The following NCMAP variants were observed in gnomAD, a reference collection of about 807,000 sequenced individuals.
The protein encoded by NCMAP is non-compact myelin associated protein, also known as noncompact myelin-associated protein.
In NCMAP, 8 loss-of-function variants were observed where a neutral mutation model predicts 7.8. That is an observed-to-expected ratio of 1.02 (90% CI 0.60 to 1.84). The LOEUF is 1.84. Ranked by LOEUF, NCMAP falls within the 40% of genes most tolerant of loss-of-function variation. The probability of loss-of-function intolerance (pLI) is 0.00; values close to 1 mark genes in which losing one functional copy is unlikely to be tolerated. For missense variants in NCMAP, 112 were observed against 131.4 expected (o/e 0.85, Z 0.72); for synonymous variants, 41 against 52.9 (o/e 0.78, Z 0.98).
At chr1:24,559,174 G>A (rs554055326) in intron 1 of NCMAP, among the ~76,000 whole-genome samples, 3 of 152,180 alleles carry the variant, frequency 2.0e-5, no homozygotes, top group East Asian at 1.9e-4. Context: ...AAGTCAGCCC[G>A]GAAGCAGCGG....
rs67052970 is a variant in NCMAP at position 24,560,160 on chromosome 1, C to CAAA, written c.-8+4014_-8+4016dup. Among the ~76,000 whole-genome samples, 32 of 89,542 alleles carry CAAA rather than the reference C, an allele frequency of 3.6e-4. 1 individual carries two copies. Among genetic ancestry groups the CAAA allele is most frequent in the African/African-American group, 1.0e-3 (24 of 23,798 alleles). 58.7% of individuals were successfully genotyped at this position (89,542 alleles called of 152,430 possible). A position where few individuals can be genotyped will look rare whatever the true frequency, so the allele number is the denominator to read the frequency against. ...TGGGCGACAGAGCCAGACTCCATCT[C>CAAA]AAAAAAAAAAAAAAAAAAAAAAAAA... On this transcript the variant is annotated intron_variant, in intron 1 of 3. Transcript: ENST00000374392.
chr1:24,601,960 G>A (rs561446180), intron 3 of NCMAP, among the ~76,000 whole-genome samples: 4 of 151,880 alleles, frequency 2.6e-5, no homozygotes, highest in South Asian at 4.2e-4. Flanking sequence ...AGAATGGCGT[G>A]AACCTGGGAG....
chr1:24,592,871 A>G (rs891428389), intron 1 of NCMAP, among the ~76,000 whole-genome samples: 1 of 152,114 alleles, frequency 6.6e-6, no homozygotes. Flanking sequence ...GTGAGCCGTG[A>G]TCATGCCACT....
At chr1:24,572,437 G>T (rs1651416871) in intron 1 of NCMAP, among the ~76,000 whole-genome samples, 1 of 150,640 alleles carries the variant, frequency 6.6e-6, no homozygotes, top group African/African-American at 2.5e-5. Flanking sequence ...GTGCAGGCTG[G>T]GGCTGAGCTC....
intron 3 of NCMAP, among the ~76,000 whole-genome samples, chr1:24,602,836 C>A (rs79066285): frequency 2.0e-5 from 3 of 151,656 alleles, no homozygotes; most frequent in Non-Finnish European, 2.9e-5. Flanking sequence ...GGGCAGATCA[C>A]GGGGTCAGGA....
At chr1:24,577,401 GTTTTT>G (rs71577720) in intron 1 of NCMAP, among the ~76,000 whole-genome samples, 40 of 39,958 alleles carry the variant, frequency 1.0e-3, no homozygotes, top group African/African-American at 3.7e-3. Flanking sequence ...CACTGGCCTT[GTTTTT>G]TTTTTTTTTT....
intron 1 of NCMAP, among the ~76,000 whole-genome samples, chr1:24,593,321 T>TA (rs11331271): frequency 4.5e-4 from 68 of 150,822 alleles, no homozygotes; most frequent in South Asian, 8.4e-4. Context: ...CTAGCCTCTA[T>TA]AAAAAAAAAA....
intron 2 of NCMAP, among the ~76,000 whole-genome samples, chr1:24,599,807 A>C (rs1324597170): frequency 5.2e-5 from 5 of 96,606 alleles, no homozygotes; most frequent in Admixed American, 1.6e-4. Context: ...CGAACTCCTG[A>C]CCTCGTGATC....
At chr1:24,560,708 C>T (rs1448738116) in intron 1 of NCMAP, among the ~76,000 whole-genome samples, 2 of 151,868 alleles carry the variant, frequency 1.3e-5, no homozygotes, top group Non-Finnish European at 1.5e-5. Flanking sequence ...GGCACCACTG[C>T]ACTCCAGCCT....
intron 1 of NCMAP, among the ~76,000 whole-genome samples, chr1:24,567,433 C>G (rs1651260436): frequency 6.6e-6 from 1 of 152,174 alleles, no homozygotes; most frequent in Non-Finnish European, 1.5e-5. Flanking sequence ...AAAAAGGAAA[C>G]TGACATTATC....
At chr1:24,600,495 T>C (rs1652444858) in intron 2 of NCMAP, among the ~76,000 whole-genome samples, 1 of 152,258 alleles carries the variant, frequency 6.6e-6, no homozygotes, top group South Asian at 2.1e-4. Context: ...CATTGGTGAA[T>C]GTAGATATGC....
chr1:24,562,528 C>T (rs930630142), intron 1 of NCMAP, among the ~76,000 whole-genome samples: 1 of 152,214 alleles, frequency 6.6e-6, no homozygotes, highest in Admixed American at 6.5e-5. Context: ...CCGCTACATA[C>T]CAGCTTTCCA....
rs1447318294 is a variant in NCMAP at position 24,597,638 on chromosome 1, A to AGAAAGAAAGAAG, written c.82+2137_82+2138insGGAAAGAAAGAA. On this transcript the variant is annotated intron_variant, in intron 2 of 3. Transcript: ENST00000374392. Reference sequence around the variant, plus strand: ...GAAAGAGAAAGAAAGAAAGAAAGAAAGAAAGAAAGAAAGAAAGAAAGAAAG... The same window carrying AGAAAGAAAGAAG: ...GAAAGAGAAAGAAAGAAAGAAAGAAAGAAAGAAAGAAGGAAAGAAAGAAAGAAAGAAAGAAAG... Among the ~76,000 whole-genome samples the AGAAAGAAAGAAG allele has an allele frequency of 1.8e-4, 23 of 125,254 alleles. 1 individual carries two copies. Among genetic ancestry groups the AGAAAGAAAGAAG allele is most frequent in the African/African-American group, 7.7e-4 (21 of 27,138 alleles). The allele number at this position is 125,254 out of a possible 152,430, so 82.2% of individuals were successfully genotyped here. A position where few individuals can be genotyped will look rare whatever the true frequency, so the allele number is the denominator to read the frequency against.
chr1:24,590,046 C>A (rs147930695), intron 1 of NCMAP, among the ~76,000 whole-genome samples: 151 of 152,258 alleles, frequency 9.9e-4, no homozygotes, highest in African/African-American at 3.4e-3. Flanking sequence ...GTGATCCACC[C>A]GCCTTGGCCT....
At chr1:24,593,847 G>T (rs1171210485) in intron 1 of NCMAP, among the ~76,000 whole-genome samples, 1 of 149,656 alleles carries the variant, frequency 6.7e-6, no homozygotes, top group Non-Finnish European at 1.5e-5. Flanking sequence ...GACCCCTATA[G>T]TTCAGAGCGA....
At chr1:24,577,069 T>C (rs988740170) in intron 1 of NCMAP, among the ~76,000 whole-genome samples, 1 of 151,784 alleles carries the variant, frequency 6.6e-6, no homozygotes, top group Admixed American at 6.6e-5. Context: ...ATCCAGGAGG[T>C]AGAGGTTCCA....
In NCMAP at chr1:24,569,026, G is replaced by T. The variant is rs11249135; in HGVS notation, c.-8+12857G>T. Among the ~76,000 whole-genome samples the T allele has an allele frequency of 7.5e-3, 1,127 of 150,582 alleles. 13 individuals carry two copies. Among genetic ancestry groups the T allele is most frequent in the African/African-American group, 0.026 (1,046 of 40,986 alleles). ...TAATATATTTGTTTTGTTTTGTTTTGTTTTTTTTTGGAGACTTGCTCTGTC... is the reference window on the plus strand; with the variant it reads ...TAATATATTTGTTTTGTTTTGTTTTTTTTTTTTTTGGAGACTTGCTCTGTC... On this transcript the variant is annotated intron_variant, in intron 1 of 3. Coordinates refer to ENST00000374392, the MANE Select transcript of NCMAP (RefSeq NM_001010980.5).
chr1:24,564,049 A>C (rs1651139508), intron 1 of NCMAP: 2 of 152,376 alleles, frequency 1.3e-5, no homozygotes, highest in East Asian at 3.9e-4. Context: ...AATCAAGCCA[A>C]AACATTAGCT....
intron 1 of NCMAP, among the ~76,000 whole-genome samples, chr1:24,565,832 C>T (rs922510296): frequency 6.6e-6 from 1 of 152,036 alleles, no homozygotes; most frequent in Non-Finnish European, 1.5e-5. Context: ...GGCTTTGTGT[C>T]CCCACACAAA....
Sources: gnomAD v4.1 joint callset for allele counts (sites outside exome capture counted in the v4.1 genomes callset) on GRCh38, gnomAD v4.1.1 for gene constraint, MANE v1.5 for transcripts, NCBI Gene and HGNC (gene_info 2026-07-23, HGNC 2026-07-21) for gene names.